ADGRL1: variants seen among roughly 807,000 people sequenced by gnomAD.
ADGRL1 encodes CIRL-1.
A neutral mutation model predicts 148.9 loss-of-function variants in ADGRL1; 31 were observed. That is an observed-to-expected ratio of 0.21 (90% confidence interval 0.16 to 0.28). ADGRL1 has a LOEUF of 0.28. ADGRL1 is among the 10% of genes least tolerant of loss of function. ADGRL1 has a pLI of 1.00. For missense variants in ADGRL1, 1,521 were observed against 2,058.8 expected (o/e 0.74, Z 5.05); for synonymous variants, 937 against 900.3 (o/e 1.04, Z -0.73).
chr19:14,160,099 C>G lies in ADGRL1; in HGVS notation c.1800+13G>C. 6.4e-7 allele frequency: 1 copy of G among 1,568,644 alleles called. No homozygotes were observed. The highest frequency in any genetic ancestry group is 1.1e-5 in the South Asian group (1 of 87,892). On this transcript the variant is annotated intron_variant, in intron 8 of 22. Transcript: ENST00000361434. This position sits in a 1 kb window ranked among gnomAD's most constrained non-coding sequence, Gnocchi z 5.9. The stretch of plus-strand genomic sequence containing the variant: ...CCTCCCCATACCAGGTCAGCGCCAC[C>G]GCCAGGCCCCACCTTGTTGTAGTTC...
chr19:14,162,988 C>A lies in ADGRL1; in HGVS notation c.813G>T (p.Gly271=), dbSNP rs1208934592. 1.2e-6 allele frequency: 2 copies of A among 1,613,994 alleles called. No individual in the cohort carries two copies. The highest frequency in any genetic ancestry group is 2.2e-5 in the East Asian group (1 of 44,878). Residue 271 remains glycine, a synonymous_variant, in exon 5 of 23, where the codon GGG becomes GGT. Coordinates refer to ENST00000361434, the MANE Select transcript of ADGRL1 (RefSeq NM_014921.5). This position sits in a 1 kb window ranked among gnomAD's most constrained non-coding sequence, Gnocchi z 5.4. ...CCTCAGTGGCGTAGATGACCCACAG[C>A]CCGTTCTCGTCCACCGCCAGGTCAA... ...TDIDLAVDEN[G]LWVIYATEGN...
chr19:14,173,002 G>A (rs1970585889), intron 3 of ADGRL1, among the ~76,000 whole-genome samples: 1 of 152,004 alleles, frequency 6.6e-6, no homozygotes, highest in South Asian at 2.1e-4. Flanking sequence ...CTCTGTCACC[G>A]AGGCTGGAGT....
intron 16 of ADGRL1, 40 bp from the exon 17 acceptor site, chr19:14,156,241 C>T (rs1968730792): frequency 1.4e-6 from 2 of 1,478,732 alleles, no homozygotes; most frequent in South Asian, 2.3e-5. Context: ...TGAGAGTGGC[C>T]CTGCCTCCCT....
Position 14,153,085 on chromosome 19 carries a change from C to G in ADGRL1, c.3295-173G>C, listed in dbSNP as rs537952626. On this transcript the variant is annotated intron_variant, in intron 18 of 22. Transcript: ENST00000361434. Reference sequence around the variant, plus strand: ...CCACGGAAGCCTTGATGTCCCCTGTCCCCCAACAGCCAGCCGATCAGGTTT... The same window carrying G: ...CCACGGAAGCCTTGATGTCCCCTGTGCCCCAACAGCCAGCCGATCAGGTTT... Among the ~76,000 whole-genome samples the G allele has an allele frequency of 3.3e-5, 5 of 152,288 alleles. No homozygotes were observed. The East Asian group carries it at 9.6e-4, about 29-fold the overall frequency.
At chr19:14,156,759 G>A (rs1176089708) in intron 15 of ADGRL1, 35 bp from the exon 16 acceptor site, 2 of 1,543,146 alleles carry the variant, frequency 1.3e-6, no homozygotes, top group Non-Finnish European at 8.9e-7. Context: ...ATAGAGAGAA[G>A]CCGAGGAGCC....
intron 3 of ADGRL1, among the ~76,000 whole-genome samples, chr19:14,174,938 C>CT (rs1269665824): frequency 1.3e-5 from 2 of 151,208 alleles, no homozygotes; most frequent in Admixed American, 1.3e-4. Flanking sequence ...AACTCCCGGG[C>CT]CCAAGTGATC....
chr19:14,176,640 C>T (rs1039739160), intron 3 of ADGRL1, among the ~76,000 whole-genome samples: 1 of 151,970 alleles, frequency 6.6e-6, no homozygotes, highest in African/African-American at 2.4e-5. Context: ...AGTTTAAGAC[C>T]AGCCTGGGCA....
intron 1 of ADGRL1, among the ~76,000 whole-genome samples, chr19:14,186,876 C>T (rs780903781): frequency 1.3e-5 from 2 of 152,176 alleles, no homozygotes; most frequent in South Asian, 2.1e-4. Context: ...AGGGCTCAGC[C>T]GCAAGGTCAC....
rs1968026509 is a variant in ADGRL1, at chr19:14,150,151, G to A, written c.*722C>T. On this transcript the variant is annotated 3_prime_UTR_variant, in exon 23 of 23. Transcript: ENST00000361434. The stretch of plus-strand genomic sequence containing the variant: ...GCCACCCCTGTGGGCTGGGGGCCCT[G>A]CGGGGAGTTGTGCTTCATCAGGAGT... 1 of 152,496 alleles carries A rather than the reference G, an allele frequency of 6.6e-6. No homozygotes were observed. Among genetic ancestry groups the A allele is most frequent in the Non-Finnish European group, 1.5e-5 (1 of 68,012 alleles). 9.4% of individuals were successfully genotyped at this position (152,496 alleles called of 1,614,324 possible).
intron 1 of ADGRL1, among the ~76,000 whole-genome samples, chr19:14,204,483 G>A (rs1972829119): frequency 6.6e-6 from 1 of 152,032 alleles, no homozygotes; most frequent in Admixed American, 6.6e-5. Flanking sequence ...GGGGTCTGGG[G>A]TCAGGTTAGA....
chr19:14,182,471 C>T (rs1162748169), intron 2 of ADGRL1, among the ~76,000 whole-genome samples: 4 of 152,118 alleles, frequency 2.6e-5, no homozygotes, highest in African/African-American at 9.7e-5. Context: ...GGAGGGCACT[C>T]GTGCGGGACG....
intron 1 of ADGRL1, among the ~76,000 whole-genome samples, chr19:14,204,750 G>A (rs375413981): frequency 3.3e-5 from 5 of 151,606 alleles, no homozygotes; most frequent in Admixed American, 2.6e-4. Context: ...GACAGACAGA[G>A]AGAGAGAGAG....
At position 14,162,943 on chromosome 19, in the gene ADGRL1, C is replaced by T; in HGVS notation, c.858G>A (p.Val286=). 1 of 1,613,570 alleles carries T rather than the reference C, an allele frequency of 6.2e-7. No homozygotes were observed. The highest frequency in any genetic ancestry group is 8.5e-7 in the Non-Finnish European group (1 of 1,179,842). The change falls in exon 5 of 23, where the codon GTG becomes GTA. Residue 286 remains valine, a synonymous_variant. Coordinates refer to ENST00000361434, the MANE Select transcript of ADGRL1 (RefSeq NM_014921.5). The surrounding 1 kb of genome is among the most constrained non-coding windows in gnomAD (Gnocchi z 5.4). ...GTGTGTAGGGGTTCAGCTGGCTCAC[C>T]ACCAGCCGCCCGTTGTTGCCCTCAG... ...YATEGNNGRL[V]VSQLNPYTLR...
intron 1 of ADGRL1, among the ~76,000 whole-genome samples, chr19:14,190,313 C>T (rs1300478445): frequency 1.3e-5 from 2 of 152,216 alleles, no homozygotes; most frequent in Non-Finnish European, 2.9e-5. Flanking sequence ...GTTGCCCAGG[C>T]TGGAGTGCAG....
intron 4 of ADGRL1, among the ~76,000 whole-genome samples, chr19:14,166,831 T>G (rs1308791358): frequency 1.3e-5 from 2 of 149,496 alleles, no homozygotes; most frequent in African/African-American, 2.5e-5. Flanking sequence ...ATCTGGAGGG[T>G]GGAGATGCCC....
At chr19:14,178,336 C>G (rs1001508647) in intron 2 of ADGRL1, among the ~76,000 whole-genome samples, 2 of 152,052 alleles carry the variant, frequency 1.3e-5, no homozygotes, top group Non-Finnish European at 2.9e-5. Flanking sequence ...GAAACCCTGT[C>G]TCTACCAAAA....
At position 14,160,768 on chromosome 19, in the gene ADGRL1, G is replaced by T; in HGVS notation, c.1511-72C>A. ...AAGAGAAGGATGGGACAGAGAGGGG[G>T]AAAGGAGATGACAGAGAGTGGGGGA... On this transcript the variant is annotated intron_variant, in intron 6 of 22. Transcript: ENST00000361434. This position sits in a 1 kb window ranked among gnomAD's most constrained non-coding sequence, Gnocchi z 5.9. 1.2e-6 allele frequency: 1 copy of T among 861,058 alleles called. No individual in the cohort carries two copies. The allele number at this position is 861,058 out of a possible 1,614,324, so 53.3% of individuals were successfully genotyped here. A position where few individuals can be genotyped will look rare whatever the true frequency, so the allele number is the denominator to read the frequency against.
At chr19:14,158,161 C>T in intron 12 of ADGRL1, 109 bp from the exon 13 acceptor site, 2 of 1,295,802 alleles carry the variant, frequency 1.5e-6, no homozygotes, top group South Asian at 1.3e-5. Flanking sequence ...AAAGAAGTGC[C>T]TGGGGTCTGG....
In ADGRL1 at chr19:14,149,927, T is replaced by C. The variant is rs1034437851; in HGVS notation, c.*946A>G. On this transcript the variant is annotated 3_prime_UTR_variant, in exon 23 of 23. Transcript: ENST00000361434. Reference sequence around the variant, plus strand: ...GATGAGATTTTTTTTCTTTTCTTTTTTTTTTTTTTTGTCTTTTTTTTTTCT... The same window carrying C: ...GATGAGATTTTTTTTCTTTTCTTTTCTTTTTTTTTTGTCTTTTTTTTTTCT... 5.4e-5 allele frequency: 8 copies of C among 148,630 alleles called. No individual in the cohort carries two copies. Among genetic ancestry groups the C allele is most frequent in the Non-Finnish European group, 7.5e-5 (5 of 66,846 alleles). 9.2% of individuals were successfully genotyped at this position (148,630 alleles called of 1,614,324 possible). A position where few individuals can be genotyped will look rare whatever the true frequency, so the allele number is the denominator to read the frequency against.
Sources: gnomAD v4.1 joint callset for allele counts (sites outside exome capture counted in the v4.1 genomes callset) on GRCh38, gnomAD v4.1.1 for gene constraint, Gnocchi (gnomAD v3.1) non-coding constraint, MANE v1.5 for transcripts, NCBI Gene and HGNC (gene_info 2026-07-23, HGNC 2026-07-21) for gene names.